The following ERC2 variants were observed in gnomAD, a reference collection of about 807,000 sequenced individuals.
The protein encoded by ERC2 is ERC protein 2.
In ERC2, 42 loss-of-function variants were observed where a neutral mutation model predicts 114.8. The ratio of observed to expected loss-of-function variants is 0.37; its 90% CI spans 0.29 to 0.47. The LOEUF is 0.47. Among genes scored for constraint, ERC2 ranks in the 20% least tolerant of loss-of-function variants. The pLI, the probability that ERC2 is intolerant of heterozygous loss-of-function variation, is 0.99. For missense variants in ERC2, 939 were observed against 1,150.7 expected (o/e 0.82, Z 2.66); for synonymous variants, 454 against 425.5 (o/e 1.07, Z -0.82).
At chr3:56,202,470 A>G (rs903626197) in intron 3 of ERC2, among the ~76,000 whole-genome samples, 9 of 149,796 alleles carry the variant, frequency 6.0e-5, no homozygotes, top group African/African-American at 2.2e-4. Flanking sequence ...TGCAAACATA[A>G]TAGGGTATTC....
At chr3:55,816,060 TA>T (rs1156788990) in intron 14 of ERC2, among the ~76,000 whole-genome samples, 1 of 152,244 alleles carries the variant, frequency 6.6e-6, no homozygotes, top group East Asian at 1.9e-4. Flanking sequence ...AGCCTTTTTA[TA>T]TTTTCTTCTC....
chr3:55,969,572 G>T (rs1467938261), intron 12 of ERC2, among the ~76,000 whole-genome samples: 1 of 152,150 alleles, frequency 6.6e-6, no homozygotes, highest in Non-Finnish European at 1.5e-5. Context: ...TCCCTAAGCA[G>T]CCAGTTGACC....
intron 8 of ERC2, among the ~76,000 whole-genome samples, chr3:56,015,425 T>C (rs1381195328): frequency 1.4e-5 from 2 of 147,090 alleles, no homozygotes; most frequent in Admixed American, 6.8e-5. Flanking sequence ...TGTGTTCACA[T>C]TGCTCAGCTC....
Position 56,309,478 on chromosome 3 carries a change from C to T in ERC2, c.658-13043G>A, listed in dbSNP as rs541288205. 5.3e-5 allele frequency among the ~76,000 whole-genome samples: 8 copies of T among 152,312 alleles called. No homozygotes were observed. In the East Asian group the frequency reaches 1.5e-3, roughly 29 times the overall value. On this transcript the variant is annotated intron_variant, in intron 2 of 17. Coordinates refer to ENST00000288221, the MANE Select transcript of ERC2 (RefSeq NM_015576.3). ...ACTGCACTGAGCTTAGAGTTAAGGA[C>T]TTAAGTTCTAATTCTAGCTTTGCAA...
At chr3:55,971,062 G>A (rs1051404630) in intron 12 of ERC2, among the ~76,000 whole-genome samples, 8 of 152,158 alleles carry the variant, frequency 5.3e-5, no homozygotes, top group Non-Finnish European at 8.8e-5. Flanking sequence ...AATACATTAT[G>A]CTAAGTAAAA....
intron 17 of ERC2, among the ~76,000 whole-genome samples, chr3:55,675,899 C>CTTTTTT (rs2061771739): frequency 6.9e-5 from 4 of 58,148 alleles, no homozygotes; most frequent in Non-Finnish European, 9.7e-5. Flanking sequence ...TTTCTCTTTT[C>CTTTTTT]TTTCTTTTTT....
chr3:55,882,662 T>C (rs924324241), intron 14 of ERC2, among the ~76,000 whole-genome samples: 6 of 152,222 alleles, frequency 3.9e-5, no homozygotes, highest in African/African-American at 1.4e-4. Context: ...GGAGATGATT[T>C]AAAGCATACA....
chr3:55,807,119 C>T (rs973224978), intron 14 of ERC2, among the ~76,000 whole-genome samples: 5 of 152,064 alleles, frequency 3.3e-5, no homozygotes, highest in East Asian at 1.9e-4. Flanking sequence ...ATGTGAAGGA[C>T]GGTGAAGGAT....
chr3:55,710,622 A>T (rs74589325), intron 15 of ERC2, among the ~76,000 whole-genome samples: 2,632 of 152,318 alleles, frequency 0.017, 44 homozygotes, highest in African/African-American at 0.043. Flanking sequence ...AAATAGCTTA[A>T]GTACAAAATG....
intron 3 of ERC2, among the ~76,000 whole-genome samples, chr3:56,241,631 TCATAGAG>T (rs1343424723): frequency 6.6e-6 from 1 of 152,160 alleles, no homozygotes; most frequent in Non-Finnish European, 1.5e-5. Flanking sequence ...AGATCATAGA[TCATAGAG>T]CTATACATAT....
At chr3:55,694,021 A>T (rs2062804873) in intron 16 of ERC2, among the ~76,000 whole-genome samples, 1 of 152,168 alleles carries the variant, frequency 6.6e-6, no homozygotes, top group Admixed American at 6.6e-5. Flanking sequence ...GATGACATTT[A>T]ATTCAATTTT....
intron 17 of ERC2, among the ~76,000 whole-genome samples, chr3:55,606,159 C>T (rs945359336): frequency 6.6e-6 from 1 of 152,124 alleles, no homozygotes; most frequent in Non-Finnish European, 1.5e-5. Flanking sequence ...AACAGATAGT[C>T]CAAACTCCGT....
chr3:55,950,582 T>C, intron 12 of ERC2, 22 bp from the exon 13 acceptor site: 1 of 1,613,648 alleles, frequency 6.2e-7, no homozygotes, highest in Non-Finnish European at 8.5e-7. Context: ...CAGCACAGCT[T>C]GGTTAAATTC....
chr3:55,512,122 C>T (rs2052118198), intron 17 of ERC2, among the ~76,000 whole-genome samples: 1 of 152,174 alleles, frequency 6.6e-6, no homozygotes, highest in East Asian at 1.9e-4. Flanking sequence ...TATATATATC[C>T]TGAGCTGTCT....
At chr3:55,842,917 G>T (rs1185128393) in intron 14 of ERC2, among the ~76,000 whole-genome samples, 1 of 152,094 alleles carries the variant, frequency 6.6e-6, no homozygotes, top group East Asian at 1.9e-4. Flanking sequence ...GACAAGGAGT[G>T]TGTGAGAGAG....
chr3:55,817,765 G>T (rs946177021), intron 14 of ERC2, among the ~76,000 whole-genome samples: 1 of 152,178 alleles, frequency 6.6e-6, no homozygotes, highest in African/African-American at 2.4e-5. Context: ...TCCGTTCATG[G>T]TGAGGATCAA....
chr3:56,443,462 G>C (rs891856832), intron 1 of ERC2, among the ~76,000 whole-genome samples: 4 of 152,180 alleles, frequency 2.6e-5, no homozygotes, highest in Non-Finnish European at 5.9e-5. Flanking sequence ...GCAGCACATA[G>C]AGTGATACCA....
intron 2 of ERC2, among the ~76,000 whole-genome samples, chr3:56,385,111 G>T (rs1364189640): frequency 2.6e-5 from 4 of 151,992 alleles, no homozygotes; most frequent in Non-Finnish European, 4.4e-5. Context: ...ATCTTATTTT[G>T]TCTTGGTTAC....
intron 2 of ERC2, among the ~76,000 whole-genome samples, chr3:56,348,386 G>C (rs1223800766): frequency 6.6e-6 from 1 of 152,062 alleles, no homozygotes; most frequent in Non-Finnish European, 1.5e-5. Context: ...CAAAGTCAGA[G>C]AGAAATGTTG....
Sources: gnomAD v4.1 joint callset for allele counts (sites outside exome capture counted in the v4.1 genomes callset) on GRCh38, gnomAD v4.1.1 for gene constraint, MANE v1.5 for transcripts, NCBI Gene and HGNC (gene_info 2026-07-23, HGNC 2026-07-21) for gene names.